The following ACTR3C variants were observed in gnomAD, a reference collection of about 807,000 sequenced individuals.
ACTR3C encodes actin-related protein 3C.
A neutral mutation model predicts 26.3 loss-of-function variants in ACTR3C; 18 were observed. The observed-to-expected ratio is 0.68, with a 90% CI of 0.47 to 1.01. The LOEUF is 1.01. Ranked by LOEUF, ACTR3C falls within the 50% of genes least tolerant of loss-of-function variation. ACTR3C has a pLI of 0.00. For synonymous variants in ACTR3C, 55 were observed against 94.5 expected, an observed-to-expected ratio of 0.58 and a Z score of 2.42; for missense variants, 184 against 250.7, an observed-to-expected ratio of 0.73 and a Z score of 1.80.
At chr7:150,041,634 G>A in the ACTR3C span, among the ~76,000 whole-genome samples, 2 of 109,618 alleles carry the variant, frequency 1.8e-5, no homozygotes, top group African/African-American at 3.2e-5. Flanking sequence ...CGCGGGGGGT[G>A]CCTCCCCCCC....
chr7:150,119,987 G>T, the ACTR3C span, among the ~76,000 whole-genome samples: 1 of 152,102 alleles, frequency 6.6e-6, no homozygotes, highest in East Asian at 1.9e-4. Context: ...AATGACTACT[G>T]GGTAAATAAT....
chr7:150,051,170 A>AT, the ACTR3C span, among the ~76,000 whole-genome samples: 1 of 151,212 alleles, frequency 6.6e-6, no homozygotes, highest in African/African-American at 2.4e-5. Flanking sequence ...GCACCCACAC[A>AT]TCCAAATTTG....
the ACTR3C span, among the ~76,000 whole-genome samples, chr7:149,990,295 A>G: frequency 6.8e-6 from 1 of 146,474 alleles, no homozygotes; most frequent in Non-Finnish European, 1.5e-5. Context: ...AGTCAGGAGC[A>G]TTCACATATC....
chr7:150,282,207 G>A (rs1348360500), intron 6 of ACTR3C, among the ~76,000 whole-genome samples: 4 of 141,866 alleles, frequency 2.8e-5, no homozygotes, highest in African/African-American at 5.7e-5. Flanking sequence ...GTGGAATGGC[G>A]CACCAGCTGT....
chr7:150,023,323 A>ATACC, the ACTR3C span, among the ~76,000 whole-genome samples: 1 of 18,306 alleles, frequency 5.5e-5, no homozygotes, highest in African/African-American at 1.1e-4. Flanking sequence ...AGATACATAC[A>ATACC]TACATACATA....
chr7:149,993,547 G>A, the ACTR3C span, among the ~76,000 whole-genome samples: 8 of 152,136 alleles, frequency 5.3e-5, no homozygotes, highest in African/African-American at 1.9e-4. Context: ...TTCCTGCAAT[G>A]AGCAGATGGT....
the ACTR3C span, among the ~76,000 whole-genome samples, chr7:150,078,094 C>T: frequency 1.3e-5 from 2 of 152,210 alleles, no homozygotes; most frequent in African/African-American, 2.4e-5. Flanking sequence ...ATGCATCTTT[C>T]AATCACATAT....
At chr7:150,273,726 G>T (rs1380854787) in intron 6 of ACTR3C, among the ~76,000 whole-genome samples, 1 of 151,322 alleles carries the variant, frequency 6.6e-6, no homozygotes, top group Non-Finnish European at 1.5e-5. Flanking sequence ...AGCAGACAAA[G>T]GCCCCTCAGG....
the ACTR3C span, among the ~76,000 whole-genome samples, chr7:150,038,441 G>A: frequency 1.4e-5 from 2 of 142,852 alleles, no homozygotes; most frequent in East Asian, 2.0e-4. Context: ...CTGTTGTTGG[G>A]ATCCCCATTT....
the ACTR3C span, among the ~76,000 whole-genome samples, chr7:150,038,410 T>C: frequency 1.4e-5 from 2 of 142,876 alleles, 1 homozygote; most frequent in Non-Finnish European, 3.1e-5. Flanking sequence ...GAAGATTTTC[T>C]TGTAACTCAT....
At chr7:150,120,468 T>C in the ACTR3C span, among the ~76,000 whole-genome samples, 302 of 152,026 alleles carry the variant, frequency 2.0e-3, 3 homozygotes, top group Admixed American at 0.016. Context: ...TCTATGCAAA[T>C]AAACTAGAAA....
chr7:150,322,300 G>C (rs1160026065), intron 1 of ACTR3C, among the ~76,000 whole-genome samples: 1 of 152,230 alleles, frequency 6.6e-6, no homozygotes, highest in Admixed American at 6.5e-5. Context: ...GGCATTCTAA[G>C]TCACAGGATG....
the ACTR3C span, among the ~76,000 whole-genome samples, chr7:149,893,184 C>T: frequency 6.6e-6 from 1 of 152,172 alleles, no homozygotes; most frequent in African/African-American, 2.4e-5. Flanking sequence ...CTATTTTCAT[C>T]CATCAGGTCT....
chr7:150,147,625 C>T, the ACTR3C span, among the ~76,000 whole-genome samples: 1 of 152,074 alleles, frequency 6.6e-6, no homozygotes. Context: ...ATTTCTGTGA[C>T]TTTTAAGATG....
the ACTR3C span, among the ~76,000 whole-genome samples, chr7:150,039,746 TC>T: frequency 7.9e-6 from 1 of 127,328 alleles, no homozygotes; most frequent in Non-Finnish European, 1.7e-5. Flanking sequence ...GGGGGGTGCC[TC>T]CCCCTCCTGC....
chr7:149,954,775 C>T, the ACTR3C span, among the ~76,000 whole-genome samples: 4 of 152,104 alleles, frequency 2.6e-5, no homozygotes, highest in South Asian at 8.3e-4. Context: ...TGTACTTTTC[C>T]TGGGAGTACG....
At chr7:149,961,354 C>T in the ACTR3C span, among the ~76,000 whole-genome samples, 4 of 151,794 alleles carry the variant, frequency 2.6e-5, no homozygotes, top group Non-Finnish European at 4.4e-5. Context: ...AAAGTGTATG[C>T]TCACAGGAAG....
the ACTR3C span, among the ~76,000 whole-genome samples, chr7:150,199,127 G>C: frequency 1.3e-5 from 2 of 150,060 alleles, 1 homozygote; most frequent in African/African-American, 5.0e-5. Flanking sequence ...CATTGAGAAC[G>C]GGCCAGGATG....
the ACTR3C span, among the ~76,000 whole-genome samples, chr7:149,964,665 G>A: frequency 2.0e-5 from 3 of 152,110 alleles, no homozygotes; most frequent in African/African-American, 4.8e-5. Context: ...TTAAGACTTC[G>A]AAAACCTCTC....
Sources: allele counts gnomAD v4.1 joint callset (sites outside exome capture counted in the v4.1 genomes callset), GRCh38; gene constraint gnomAD v4.1.1; transcripts MANE v1.5; gene names NCBI Gene and HGNC (gene_info 2026-07-23, HGNC 2026-07-21).